Variants in SVEP1 observed in about 807,000 individuals in gnomAD.
SVEP1 encodes sushi, von Willebrand factor type A, EGF and pentraxin domain containing 1.
In SVEP1, 164 loss-of-function variants were observed where a neutral mutation model predicts 367.3. The ratio of observed to expected loss-of-function variants is 0.45; its 90% CI spans 0.39 to 0.51. The LOEUF is 0.51. Ranked by LOEUF, SVEP1 falls within the 20% of genes least tolerant of loss-of-function variation. The probability of loss-of-function intolerance (pLI) is 0.00; values close to 1 mark genes in which losing one functional copy is unlikely to be tolerated. For synonymous variants in SVEP1, 1,666 were observed against 1,611.6 expected, an observed-to-expected ratio of 1.03 and a Z score of -0.81; for missense variants, 4,117 against 4,425.3, an observed-to-expected ratio of 0.93 and a Z score of 1.98.
intron 17 of SVEP1, among the ~76,000 whole-genome samples, chr9:110,467,636 CTTTTT>C (rs11366981): frequency 7.5e-6 from 1 of 133,940 alleles, no homozygotes; most frequent in Non-Finnish European, 1.6e-5. Flanking sequence ...GTCTTTTTTA[CTTTTT>C]TTTTTTTTTT....
In SVEP1 at chr9:110,390,341, T is replaced by G. The variant is rs1175811084; in HGVS notation, c.9823-754A>C. ...TATATATACTTATATATACACATAC[T>G]TATATACACTTATATATATATACTT... On this transcript the variant is annotated intron_variant, in intron 40 of 47. Transcript: ENST00000374469. Among the ~76,000 whole-genome samples the G allele has an allele frequency of 1.6e-4, 5 of 30,392 alleles. 1 individual carries two copies. Among genetic ancestry groups the G allele is most frequent in the Admixed American group, 9.1e-4 (3 of 3,292 alleles). 19.9% of individuals were successfully genotyped at this position (30,392 alleles called of 152,430 possible).
intron 46 of SVEP1, among the ~76,000 whole-genome samples, chr9:110,374,641 ACT>A (rs1827322645): frequency 7.0e-6 from 1 of 143,120 alleles, no homozygotes; most frequent in African/African-American, 2.7e-5. Flanking sequence ...CAAGAGTGAA[ACT>A]CTGTTCTCAA....
chr9:110,416,010 A>G (rs1487670174), intron 36 of SVEP1, among the ~76,000 whole-genome samples: 1 of 151,970 alleles, frequency 6.6e-6, no homozygotes, highest in Non-Finnish European at 1.5e-5. Context: ...TTAATGTAAA[A>G]TTAGGTTCTT....
At chr9:110,366,742 G>A (rs1480806554) in intron 47 of SVEP1, among the ~76,000 whole-genome samples, 182 bp from the exon 48 acceptor site, 1 of 152,132 alleles carries the variant, frequency 6.6e-6, no homozygotes, top group Non-Finnish European at 1.5e-5. Context: ...GGAAACAAGT[G>A]CTAACTTATG....
In SVEP1 at chr9:110,471,376, C is replaced by G; in HGVS notation, c.2986G>C (p.Gly996Arg). ...PFCRPGSVLR[G>R]RMCVNCPLGT... ...GGAACAGTCTTACCACACATACGCC[C>G]TCTCAGCACTGAGCCTGGTCTGCAG... The change falls in exon 16 of 48, where the codon GGG (glycine) becomes CGG (arginine). Residue 996 changes from glycine to arginine, a missense_variant. Coordinates refer to ENST00000374469, the MANE Select transcript of SVEP1 (RefSeq NM_153366.4). The G allele has an allele frequency of 6.2e-7, 1 of 1,613,840 alleles. No individual in the cohort carries two copies.
chr9:110,401,974 T>C (rs1827869824), intron 39 of SVEP1, among the ~76,000 whole-genome samples: 1 of 152,082 alleles, frequency 6.6e-6, no homozygotes, highest in Non-Finnish European at 1.5e-5. Context: ...TATGACTGCA[T>C]CATGATTAAC....
chr9:110,387,261 A>G (rs1827539448), intron 42 of SVEP1, 24 bp downstream of exon 42: 2 of 1,549,936 alleles, frequency 1.3e-6, no homozygotes, highest in Non-Finnish European at 1.7e-6. Context: ...TCTGATTAAA[A>G]TTTCTCCTAA....
At position 110,494,896 on chromosome 9, in the gene SVEP1, T is replaced by G. The variant is rs1470284353; in HGVS notation, c.1800+1919A>C. Among the ~76,000 whole-genome samples, 3 of 152,286 alleles carry G rather than the reference T, an allele frequency of 2.0e-5. No homozygotes were observed. The East Asian group carries it at 5.8e-4, about 29-fold the overall frequency. ...ATCAATTTTGGAGAAATTCACACAG[T>G]AGTGCAGATTAATCTCTCTATAAGT... On this transcript the variant is annotated intron_variant, in intron 8 of 47. Coordinates refer to ENST00000374469, the MANE Select transcript of SVEP1 (RefSeq NM_153366.4).
chr9:110,471,676 C>G, intron 15 of SVEP1, 79 bp from the exon 16 acceptor site: 1 of 1,059,892 alleles, frequency 9.4e-7, no homozygotes, highest in Non-Finnish European at 1.4e-6. Flanking sequence ...TTTTACCAAA[C>G]AGAAATACTT....
intron 16 of SVEP1, among the ~76,000 whole-genome samples, chr9:110,469,677 G>A (rs567631311): frequency 6.6e-6 from 1 of 152,290 alleles, no homozygotes; most frequent in South Asian, 2.1e-4. Context: ...CTTGAGATTA[G>A]TACCTAGGTG....
chr9:110,402,881 T>A (rs532769979), intron 39 of SVEP1, among the ~76,000 whole-genome samples: 1 of 152,190 alleles, frequency 6.6e-6, no homozygotes, highest in Non-Finnish European at 1.5e-5. Context: ...AGGTTTGACA[T>A]TGACCAATCA....
chr9:110,579,140 G>C lies in SVEP1; in HGVS notation c.404C>G (p.Pro135Arg). 6.4e-7 allele frequency: 1 copy of C among 1,557,156 alleles called. No individual in the cohort carries two copies. Among genetic ancestry groups the C allele is most frequent in the Non-Finnish European group, 8.7e-7 (1 of 1,151,034 alleles). Reference sequence around the variant, plus strand: ...GCGGGTGGAGATGTAATCGACGCGCGGCACCACGTAGTTCTTGGACGAGAA... The same window carrying C: ...GCGGGTGGAGATGTAATCGACGCGCCGCACCACGTAGTTCTTGGACGAGAA... ...VTFSSKNYVVPRVDYISTRRA... is the reference protein window; with the variant it reads ...VTFSSKNYVVRRVDYISTRRA... The change falls in exon 1 of 48, where the codon CCG (proline) becomes CGG (arginine). Residue 135 changes from proline to arginine, a missense_variant. This residue lies in a region of SVEP1 where 2,174 missense variants were observed against 2,494.3 expected (regional missense o/e 0.87). Coordinates refer to ENST00000374469, the MANE Select transcript of SVEP1 (RefSeq NM_153366.4). The surrounding 1 kb of genome is among the most constrained non-coding windows in gnomAD (Gnocchi z 5.3).
At chr9:110,373,109 G>T (rs1350903121) in intron 46 of SVEP1, among the ~76,000 whole-genome samples, 3 of 152,144 alleles carry the variant, frequency 2.0e-5, no homozygotes, top group Non-Finnish European at 4.4e-5. Flanking sequence ...GAAAGGGAGG[G>T]TGAGTCAAGA....
rs965410320 is a variant in SVEP1, at chr9:110,489,730, A to G, written c.1850T>C (p.Ile617Thr). Reference sequence around the variant, plus strand: ...CGTGTATACGATAGCAACATCTCCAATTGGGAAAAGGTAAGGTGGGGTGAA... The same window carrying G: ...CGTGTATACGATAGCAACATCTCCAGTTGGGAAAAGGTAAGGTGGGGTGAA... ...PAFTPPYLFP[I>T]GDVAIVYTAT... Residue 617 changes from isoleucine (I) to threonine (T), a missense_variant, in exon 9 of 48, where the codon ATT (isoleucine) becomes ACT (threonine). Physicochemically the swap from Ile to Thr is moderately conservative, Grantham distance 89. Transcript: ENST00000374469. 1.2e-5 allele frequency: 19 copies of G among 1,613,482 alleles called. No homozygotes were observed. Among genetic ancestry groups the G allele is most frequent in the South Asian group, 6.6e-5 (6 of 91,050 alleles).
intron 1 of SVEP1, among the ~76,000 whole-genome samples, chr9:110,572,663 A>C (rs2118885903): frequency 6.6e-6 from 1 of 152,074 alleles, no homozygotes; most frequent in South Asian, 2.1e-4. Context: ...GGAGTTCGAG[A>C]CCAGCTCGGC....
chr9:110,498,750 T>C (rs1042494314), intron 7 of SVEP1, among the ~76,000 whole-genome samples: 15 of 152,244 alleles, frequency 9.9e-5, no homozygotes, highest in African/African-American at 3.1e-4. Context: ...ACCTGCTTTA[T>C]ATAGACCAAG....
chr9:110,428,429 C>CACACACACACACACAA (rs60798857), intron 35 of SVEP1, among the ~76,000 whole-genome samples: 16 of 151,222 alleles, frequency 1.1e-4, no homozygotes, highest in African/African-American at 3.4e-4. Flanking sequence ...CACACACACA[C>CACACACACACACACAA]CATTAATCTC....
chr9:110,467,484 G>C (rs969392471), intron 17 of SVEP1, among the ~76,000 whole-genome samples: 3 of 152,150 alleles, frequency 2.0e-5, no homozygotes, highest in African/African-American at 7.2e-5. Flanking sequence ...AATCCCCAGT[G>C]TTGGAAGTGG....
At position 110,537,957 on chromosome 9, in the gene SVEP1, A is replaced by G. The variant is rs965678164; in HGVS notation, c.964+8158T>C. Among the ~76,000 whole-genome samples the G allele has an allele frequency of 4.6e-5, 7 of 151,980 alleles. No homozygotes were observed. The South Asian group carries it at 1.5e-3, about 32-fold the overall frequency. On this transcript the variant is annotated intron_variant, in intron 3 of 47. Transcript: ENST00000374469. Reference sequence around the variant, plus strand: ...ATTTTTATTGGAGAGAGTCTCTTATAATGGGGCTAGGGAAAGGAAGAAGAG... The same window carrying G: ...ATTTTTATTGGAGAGAGTCTCTTATGATGGGGCTAGGGAAAGGAAGAAGAG...
Sources: allele counts gnomAD v4.1 joint callset (sites outside exome capture counted in the v4.1 genomes callset), GRCh38; gene constraint gnomAD v4.1.1; regional missense constraint gnomAD v4.1.1; non-coding constraint Gnocchi (gnomAD v3.1); transcripts MANE v1.5; gene names NCBI Gene and HGNC (gene_info 2026-07-23, HGNC 2026-07-21).